SIPA1L1: variants seen among roughly 807,000 people sequenced by gnomAD.
SIPA1L1 encodes signal induced proliferation associated 1 like 1, also known as signal-induced proliferation-associated 1-like protein 1.
In SIPA1L1, 26 loss-of-function variants were observed where a neutral mutation model predicts 162.7. The observed-to-expected ratio is 0.16, with a 90% CI of 0.12 to 0.22. SIPA1L1 has a LOEUF of 0.22. SIPA1L1 is among the 10% of genes least tolerant of loss of function. The probability of loss-of-function intolerance (pLI) is 1.00; values close to 1 mark genes in which losing one functional copy is unlikely to be tolerated. For synonymous variants in SIPA1L1, 829 were observed against 837.4 expected (o/e 0.99, Z 0.17); for missense variants, 1,874 against 2,241.0 (o/e 0.84, Z 3.31).
intron 3 of SIPA1L1, among the ~76,000 whole-genome samples, chr14:71,519,246 C>CTGTG (rs927854922): frequency 2.0e-5 from 3 of 152,018 alleles, no homozygotes; most frequent in Admixed American, 1.3e-4. Flanking sequence ...CAGTAGTGAG[C>CTGTG]TGTGATTGCA....
chr14:71,446,917 T>TTG lies in SIPA1L1; in HGVS notation c.-464-65825_-464-65824insGT, dbSNP rs1555425885. On this transcript the variant is annotated intron_variant, in intron 2 of 23. Transcript: ENST00000381232. ...CTGTTTTTTTTTTTGTTTTTTTTTTTTTTTTTTTTTTTGAGACAGGCCCTT... is the reference window on the plus strand; with the variant it reads ...CTGTTTTTTTTTTTGTTTTTTTTTTTTGTTTTTTTTTTTTGAGACAGGCCCTT... Among the ~76,000 whole-genome samples the TTG allele has an allele frequency of 3.9e-3, 440 of 111,814 alleles. 4 individuals carry two copies. Among genetic ancestry groups the TTG allele is most frequent in the Non-Finnish European group, 6.9e-3 (370 of 53,760 alleles). The allele number at this position is 111,814 out of a possible 152,430, so 73.4% of individuals were successfully genotyped here. A position where few individuals can be genotyped will look rare whatever the true frequency, so the allele number is the denominator to read the frequency against.
intron 2 of SIPA1L1, among the ~76,000 whole-genome samples, chr14:71,500,764 T>G (rs756525998): frequency 6.6e-6 from 1 of 152,192 alleles, no homozygotes; most frequent in Non-Finnish European, 1.5e-5. Context: ...CCCAGCACTT[T>G]GGGAGGCCAA....
At chr14:71,491,842 T>C (rs944499954) in intron 2 of SIPA1L1, among the ~76,000 whole-genome samples, 11 of 115,362 alleles carry the variant, frequency 9.5e-5, no homozygotes, top group African/African-American at 3.7e-4. Flanking sequence ...ACATGAAGAG[T>C]TGGCATTTGT....
chr14:71,461,283 A>G (rs1356423375), intron 2 of SIPA1L1, among the ~76,000 whole-genome samples: 1 of 152,184 alleles, frequency 6.6e-6, no homozygotes, highest in Non-Finnish European at 1.5e-5. Context: ...GCAGCTGGCA[A>G]ATTGGGCACT....
At chr14:71,404,574 G>A (rs913086809) in intron 2 of SIPA1L1, among the ~76,000 whole-genome samples, 7 of 152,282 alleles carry the variant, frequency 4.6e-5, no homozygotes, top group Admixed American at 2.6e-4. Context: ...TCCCCTTCAA[G>A]TTTATTAAAG....
chr14:71,572,104 C>T (rs1025034440), intron 4 of SIPA1L1, among the ~76,000 whole-genome samples: 35 of 152,242 alleles, frequency 2.3e-4, no homozygotes, highest in African/African-American at 7.9e-4. Context: ...CTTGCTAGCT[C>T]AGGTCTCTCT....
intron 12 of SIPA1L1, 101 bp downstream of exon 12, chr14:71,672,723 A>C: frequency 8.0e-7 from 1 of 1,257,294 alleles, no homozygotes; most frequent in Non-Finnish European, 1.1e-6. Flanking sequence ...TGTTGTGAAG[A>C]ACAATAGGTT....
In SIPA1L1 at chr14:71,377,083, G is replaced by T. The variant is rs1452594570; in HGVS notation, c.-465+55902G>T. 1.3e-5 allele frequency among the ~76,000 whole-genome samples: 2 copies of T among 151,246 alleles called. No individual in the cohort carries two copies. The highest frequency in any genetic ancestry group is 2.9e-5 in the Non-Finnish European group (2 of 67,798). Reference sequence around the variant, plus strand: ...AGACGGGGTGGCAGCTGGGCAGAGGGGCTCCTCACTTTCCAGATGTGGCGG... The same window carrying T: ...AGACGGGGTGGCAGCTGGGCAGAGGTGCTCCTCACTTTCCAGATGTGGCGG... On this transcript the variant is annotated intron_variant, in intron 2 of 23. Transcript: ENST00000381232. This position sits in a 1 kb window ranked among gnomAD's most constrained non-coding sequence, Gnocchi z 4.8.
At chr14:71,387,962 A>T (rs535596742) in intron 2 of SIPA1L1, among the ~76,000 whole-genome samples, 4 of 152,374 alleles carry the variant, frequency 2.6e-5, no homozygotes, top group African/African-American at 9.6e-5. Flanking sequence ...TGATACGAAG[A>T]CATTGCATTT....
At chr14:71,595,591 T>A (rs2035937821) in intron 5 of SIPA1L1, among the ~76,000 whole-genome samples, 1 of 152,322 alleles carries the variant, frequency 6.6e-6, no homozygotes, top group South Asian at 2.1e-4. Flanking sequence ...TGGAAAAAGA[T>A]GATTAGCCTA....
chr14:71,501,037 G>C (rs1374650097), intron 2 of SIPA1L1, among the ~76,000 whole-genome samples: 1 of 152,078 alleles, frequency 6.6e-6, no homozygotes, highest in African/African-American at 2.4e-5. Context: ...AACATTAAAA[G>C]GTGCCGAGTG....
At chr14:71,710,904 A>C (rs1259243143) in intron 17 of SIPA1L1, among the ~76,000 whole-genome samples, 2 of 152,164 alleles carry the variant, frequency 1.3e-5, no homozygotes, top group Admixed American at 1.3e-4. Flanking sequence ...TAGGCACATA[A>C]TCTGTCAGTA....
At chr14:71,406,338 C>T (rs1322944284) in intron 2 of SIPA1L1, among the ~76,000 whole-genome samples, 1 of 151,998 alleles carries the variant, frequency 6.6e-6, no homozygotes, top group Non-Finnish European at 1.5e-5. Context: ...CACTTCTTTG[C>T]CTTTTTTTTC....
chr14:71,436,085 T>C (rs1254162944), intron 2 of SIPA1L1, among the ~76,000 whole-genome samples: 1 of 146,364 alleles, frequency 6.8e-6, no homozygotes, highest in Admixed American at 6.8e-5. Flanking sequence ...TCTCTTGTTA[T>C]AAGTGAGGTT....
chr14:71,636,336 C>T (rs1030711823), intron 7 of SIPA1L1, among the ~76,000 whole-genome samples: 3 of 152,036 alleles, frequency 2.0e-5, no homozygotes, highest in African/African-American at 7.2e-5. Context: ...AGTGAAATAA[C>T]AAAAAGTATA....
chr14:71,445,722 T>C (rs541306238), intron 2 of SIPA1L1, among the ~76,000 whole-genome samples: 27 of 152,244 alleles, frequency 1.8e-4, no homozygotes, highest in Admixed American at 3.9e-4. Context: ...TTACTCGAAT[T>C]ACTACTTTTG....
chr14:71,674,390 A>C (rs1000202947), intron 12 of SIPA1L1, among the ~76,000 whole-genome samples: 1 of 152,126 alleles, frequency 6.6e-6, no homozygotes, highest in Non-Finnish European at 1.5e-5. Flanking sequence ...TGATAGGAGG[A>C]ATACTAGACT....
intron 12 of SIPA1L1, among the ~76,000 whole-genome samples, chr14:71,676,673 T>C (rs1020297233): frequency 2.2e-5 from 3 of 135,860 alleles, no homozygotes; most frequent in African/African-American, 8.3e-5. Context: ...CCCCTTCCTG[T>C]GTCCAAGTGT....
intron 10 of SIPA1L1, among the ~76,000 whole-genome samples, chr14:71,664,175 C>T (rs2043793797): frequency 6.6e-6 from 1 of 152,048 alleles, no homozygotes; most frequent in Non-Finnish European, 1.5e-5. Context: ...TGGAAAATAT[C>T]AGTTTTCAGA....
Sources: gnomAD v4.1 joint callset for allele counts (sites outside exome capture counted in the v4.1 genomes callset) on GRCh38, gnomAD v4.1.1 for gene constraint, Gnocchi (gnomAD v3.1) non-coding constraint, MANE v1.5 for transcripts, NCBI Gene and HGNC (gene_info 2026-07-23, HGNC 2026-07-21) for gene names.